Variants in FMN1 observed in about 807,000 individuals in gnomAD.
The protein encoded by FMN1 is formin-1.
In FMN1, 110 loss-of-function variants were observed where a neutral mutation model predicts 132.4. The ratio of observed to expected loss-of-function variants is 0.83; its 90% confidence interval spans 0.71 to 0.97. The LOEUF is 0.97. FMN1 is among the 50% of genes least tolerant of loss of function. The pLI, the probability that FMN1 is intolerant of heterozygous loss-of-function variation, is 0.00. For synonymous variants in FMN1, 722 were observed against 651.7 expected (o/e 1.11, Z -1.64); for missense variants, 1,792 against 1,705.3 (o/e 1.05, Z -0.90).
intron 7 of FMN1, among the ~76,000 whole-genome samples, chr15:32,969,977 AG>A (rs754129901): frequency 1.5e-4 from 23 of 152,242 alleles, no homozygotes; most frequent in Non-Finnish European, 3.2e-4. Context: ...ACAGAAAGCA[AG>A]GGAAGAAGCC....
At chr15:33,055,911 A>G (rs1252703831) in intron 6 of FMN1, among the ~76,000 whole-genome samples, 2 of 152,238 alleles carry the variant, frequency 1.3e-5, no homozygotes, top group Non-Finnish European at 2.9e-5. Flanking sequence ...AGAAAGAGAG[A>G]CAATTCATTA....
chr15:33,028,869 C>CCT (rs2035802754), intron 6 of FMN1, among the ~76,000 whole-genome samples: 1 of 152,112 alleles, frequency 6.6e-6, no homozygotes, highest in Admixed American at 6.5e-5. Context: ...TCAAATGCTC[C>CCT]CTCCCTCCTA....
chr15:33,024,843 G>A (rs1237601681), intron 6 of FMN1, among the ~76,000 whole-genome samples: 2 of 152,098 alleles, frequency 1.3e-5, no homozygotes, highest in African/African-American at 4.8e-5. Flanking sequence ...CTACAGACAA[G>A]CAATTAAGAT....
chr15:33,089,408 C>T (rs2038825046), intron 4 of FMN1, among the ~76,000 whole-genome samples: 1 of 152,184 alleles, frequency 6.6e-6, no homozygotes, highest in South Asian at 2.1e-4. Context: ...TTTCTGGGAA[C>T]AGAATCATTA....
At chr15:32,967,018 G>A (rs1167071340) in intron 8 of FMN1, among the ~76,000 whole-genome samples, 2 of 152,212 alleles carry the variant, frequency 1.3e-5, no homozygotes, top group Non-Finnish European at 2.9e-5. Context: ...TAGAGGGGCA[G>A]CCCCCCGTGT....
intron 16 of FMN1, among the ~76,000 whole-genome samples, chr15:32,884,898 A>G (rs1480325147): frequency 1.3e-5 from 2 of 152,240 alleles, no homozygotes; most frequent in African/African-American, 2.4e-5. Flanking sequence ...CTGGCCTCTC[A>G]GCAACACCGG....
chr15:33,127,811 C>T (rs554246711), intron 4 of FMN1, among the ~76,000 whole-genome samples: 6 of 152,228 alleles, frequency 3.9e-5, no homozygotes, highest in Admixed American at 6.5e-5. Flanking sequence ...CATCCAAGAT[C>T]TCATTCCTCA....
chr15:32,866,565 A>C (rs2059398292), intron 16 of FMN1, among the ~76,000 whole-genome samples: 2 of 152,214 alleles, frequency 1.3e-5, no homozygotes, highest in Non-Finnish European at 2.9e-5. Context: ...CTCTTTGAAT[A>C]ACTGACATTC....
chr15:33,169,871 G>A (rs1031614642), intron 3 of FMN1, among the ~76,000 whole-genome samples: 4 of 151,050 alleles, frequency 2.6e-5, no homozygotes, highest in African/African-American at 4.9e-5. Flanking sequence ...ATCAGATTAA[G>A]TAATATTTTC....
intron 6 of FMN1, among the ~76,000 whole-genome samples, chr15:33,043,174 G>A (rs2036520554): frequency 6.6e-6 from 1 of 152,190 alleles, no homozygotes; most frequent in South Asian, 2.1e-4. Flanking sequence ...AGCGAGCCAT[G>A]GTGCCCAATC....
At chr15:33,002,721 A>G (rs1368191329) in intron 7 of FMN1, among the ~76,000 whole-genome samples, 3 of 152,158 alleles carry the variant, frequency 2.0e-5, no homozygotes, top group Non-Finnish European at 4.4e-5. Context: ...CAGCAGCTAG[A>G]AATCCAGGTT....
At chr15:32,776,944 A>G (rs758635478) in intron 19 of FMN1, 25 bp from the exon 20 acceptor site, 1 of 1,354,358 alleles carries the variant, frequency 7.4e-7, no homozygotes. Flanking sequence ...GGGAAAAGAC[A>G]GGGGAGAGAG....
intron 6 of FMN1, 22 bp downstream of exon 6, chr15:33,064,935 C>G (rs377225259): frequency 1.3e-6 from 2 of 1,536,142 alleles, no homozygotes; most frequent in Non-Finnish European, 1.8e-6. Context: ...ATTCCCGGGT[C>G]CCTAGCTTCC....
intron 17 of FMN1, among the ~76,000 whole-genome samples, chr15:32,828,839 TTAG>T (rs1044804042): frequency 1.3e-5 from 2 of 152,114 alleles, no homozygotes; most frequent in African/African-American, 4.8e-5. Context: ...AAGGAACACG[TTAG>T]TAGTTTCAAC....
At chr15:32,804,011 C>T (rs2057572122) in intron 18 of FMN1, among the ~76,000 whole-genome samples, 1 of 152,152 alleles carries the variant, frequency 6.6e-6, no homozygotes, top group African/African-American at 2.4e-5. Context: ...GGAAAGAAGT[C>T]AGTCACACAA....
intron 5 of FMN1, among the ~76,000 whole-genome samples, chr15:33,078,644 CAAA>C (rs5811729): frequency 2.2e-5 from 3 of 133,364 alleles, no homozygotes; most frequent in South Asian, 2.4e-4. Context: ...CAAAAGGCAA[CAAA>C]AAAAAAAAAA....
Position 33,112,467 on chromosome 15 carries a change from C to G in FMN1, c.1868-23493G>C, listed in dbSNP as rs574711835. ...CTGTTATTGCTCCATTAAACAAGTA[C>G]TAAGCACAACTATGCAATGAAATTA... On this transcript the variant is annotated intron_variant, in intron 4 of 20. Transcript: ENST00000616417. 6.6e-5 allele frequency among the ~76,000 whole-genome samples: 10 copies of G among 152,228 alleles called. No individual in the cohort carries two copies. In the East Asian group the frequency reaches 1.9e-3, roughly 29 times the overall value.
At chr15:33,030,300 A>C (rs1298424520) in intron 6 of FMN1, among the ~76,000 whole-genome samples, 1 of 152,264 alleles carries the variant, frequency 6.6e-6, no homozygotes, top group Admixed American at 6.5e-5. Context: ...GGGTTATCCC[A>C]GTGTTCATTA....
intron 6 of FMN1, among the ~76,000 whole-genome samples, chr15:33,019,604 G>C (rs2619183): frequency 0.67 from 101,656 of 151,826 alleles, 34,971 homozygotes; most frequent in Non-Finnish European, 0.75. Context: ...TGGCGAGCTG[G>C]AGGTCCCGAG....
Sources: allele counts gnomAD v4.1 joint callset (sites outside exome capture counted in the v4.1 genomes callset), GRCh38; gene constraint gnomAD v4.1.1; transcripts MANE v1.5; gene names NCBI Gene and HGNC (gene_info 2026-07-23, HGNC 2026-07-21).